The following WWC2 variants were observed in gnomAD, a reference collection of about 807,000 sequenced individuals.
WWC2 encodes the protein protein WWC2.
In WWC2, 101 loss-of-function variants were observed where a neutral mutation model predicts 138.5. The observed-to-expected ratio is 0.73, with a 90% CI of 0.62 to 0.86. WWC2 has a LOEUF of 0.86. Among genes scored for constraint, WWC2 ranks in the 40% least tolerant of loss-of-function variants. The probability of loss-of-function intolerance (pLI) is 0.00; values close to 1 mark genes in which losing one functional copy is unlikely to be tolerated. For missense variants in WWC2, 1,420 were observed against 1,419.4 expected (o/e 1.00, Z -0.01); for synonymous variants, 558 against 538.4 (o/e 1.04, Z -0.50).
At chr4:183,254,888 G>A (rs369473905) in intron 9 of WWC2, among the ~76,000 whole-genome samples, 6 of 152,258 alleles carry the variant, frequency 3.9e-5, no homozygotes, top group Admixed American at 6.5e-5. Context: ...AAAAATTGTG[G>A]CGTCTTGCCT....
At chr4:183,205,697 G>A (rs1735428810) in intron 2 of WWC2, among the ~76,000 whole-genome samples, 1 of 152,096 alleles carries the variant, frequency 6.6e-6, no homozygotes, top group Admixed American at 6.5e-5. Flanking sequence ...TGTTAGGTTA[G>A]GTTCAGAGTA....
chr4:183,261,119 C>G lies in WWC2; in HGVS notation c.1496C>G (p.Ser499Cys). ...CAAGAGAAAAGCGGTTACATTCCTTCTGGACCCATCACCACCATCCATGAA... is the reference window on the plus strand; with the variant it reads ...CAAGAGAAAAGCGGTTACATTCCTTGTGGACCCATCACCACCATCCATGAA... ...LLQEKSGYIP[S>C]GPITTIHENE... Residue 499 changes from serine (S) to cysteine (C), a missense_variant, in exon 11 of 23, where the codon TCT becomes TGT. By Grantham distance (112) the Ser-to-Cys change is moderately radical (BLOSUM62 -1). Coordinates refer to ENST00000403733, the MANE Select transcript of WWC2 (RefSeq NM_024949.6). 6.2e-7 allele frequency: 1 copy of G among 1,614,006 alleles called. No homozygotes were observed. The highest frequency in any genetic ancestry group is 1.1e-5 in the South Asian group (1 of 91,076).
chr4:183,285,908 C>G, intron 19 of WWC2, 59 bp from the exon 20 acceptor site: 1 of 1,479,928 alleles, frequency 6.8e-7, no homozygotes, highest in Non-Finnish European at 9.2e-7. Flanking sequence ...CAATCCCAAA[C>G]TTCCACTTGC....
rs372090334 is a variant in WWC2 at position 183,278,553 on chromosome 4, G to A, written c.2563-2223G>A. ...GCTTGATGGGGATGGCATTGAATCT[G>A]TAAATTACCTTGGGCAGTATGGCCA... On this transcript the variant is annotated intron_variant, in intron 16 of 22. Coordinates refer to ENST00000403733, the MANE Select transcript of WWC2 (RefSeq NM_024949.6). Among the ~76,000 whole-genome samples the A allele has an allele frequency of 1.6e-4, 25 of 151,806 alleles. 1 individual carries two copies. Among genetic ancestry groups the A allele is most frequent in the Admixed American group, 1.2e-3 (19 of 15,246 alleles).
intron 8 of WWC2, among the ~76,000 whole-genome samples, chr4:183,250,416 G>C (rs1736941965): frequency 6.6e-6 from 1 of 152,238 alleles, no homozygotes; most frequent in South Asian, 2.1e-4. Flanking sequence ...TGATTTGAAG[G>C]GAAGTCTTAC....
At chr4:183,203,144 A>G (rs984935229) in intron 2 of WWC2, among the ~76,000 whole-genome samples, 1 of 150,864 alleles carries the variant, frequency 6.6e-6, no homozygotes, top group African/African-American at 2.4e-5. Context: ...TCGTATTCTT[A>G]TAACTTCCTC....
chr4:183,137,075 C>A (rs1423784381), intron 1 of WWC2, among the ~76,000 whole-genome samples: 1 of 152,124 alleles, frequency 6.6e-6, no homozygotes, highest in Non-Finnish European at 1.5e-5. Context: ...TGCAGGACTT[C>A]CAGGAAGTTG....
At chr4:183,310,170 C>T (rs941341723) in intron 21 of WWC2, among the ~76,000 whole-genome samples, 1 of 152,140 alleles carries the variant, frequency 6.6e-6, no homozygotes, top group Non-Finnish European at 1.5e-5. Flanking sequence ...ATTGAATGTA[C>T]ACCAAGAGTG....
chr4:183,221,040 C>T (rs1268261787), intron 4 of WWC2, among the ~76,000 whole-genome samples: 1 of 152,200 alleles, frequency 6.6e-6, no homozygotes, highest in East Asian at 1.9e-4. Context: ...TAAAACAAGA[C>T]CCAATTTCAT....
At chr4:183,183,536 C>G (rs1390353787) in intron 1 of WWC2, among the ~76,000 whole-genome samples, 1 of 152,192 alleles carries the variant, frequency 6.6e-6, no homozygotes, top group Non-Finnish European at 1.5e-5. Flanking sequence ...AATCTCCACA[C>G]TTTGGGAGGC....
At chr4:183,156,369 T>G (rs1351510111) in intron 1 of WWC2, among the ~76,000 whole-genome samples, 1 of 146,312 alleles carries the variant, frequency 6.8e-6, no homozygotes, top group East Asian at 2.0e-4. Flanking sequence ...GGAGTCCCAC[T>G]CTGTTGCTCA....
chr4:183,113,501 TGTGTGTGTGTGTGTGCGCGCGC>T (rs894845458), intron 1 of WWC2, among the ~76,000 whole-genome samples: 1 of 149,432 alleles, frequency 6.7e-6, no homozygotes, highest in African/African-American at 2.5e-5. Context: ...TGTGTGTGTG[TGTGTGTGTGTGTGTGCGCGCGC>T]GTGCGCGCGC....
intron 1 of WWC2, among the ~76,000 whole-genome samples, chr4:183,154,663 T>A (rs1186054049): frequency 2.0e-5 from 3 of 152,224 alleles, no homozygotes; most frequent in African/African-American, 7.2e-5. Context: ...TTTAATAATT[T>A]AACCGGATTA....
intron 16 of WWC2, among the ~76,000 whole-genome samples, 199 bp from the exon 17 acceptor site, chr4:183,280,577 C>G (rs991457658): frequency 6.6e-6 from 1 of 152,200 alleles, no homozygotes; most frequent in African/African-American, 2.4e-5. Flanking sequence ...TCCTGATTGC[C>G]TTTGTTGCTC....
At chr4:183,310,108 CTG>C (rs1739160730) in intron 21 of WWC2, among the ~76,000 whole-genome samples, 2 of 152,300 alleles carry the variant, frequency 1.3e-5, no homozygotes, top group South Asian at 4.1e-4. Flanking sequence ...TGAAACTCCT[CTG>C]TATGATATTG....
rs1254338576 is a variant in WWC2, at chr4:183,099,335, T to G, written c.-157T>G. 4.5e-6 allele frequency: 3 copies of G among 670,344 alleles called. No individual in the cohort carries two copies. In the African/African-American group the frequency reaches 5.8e-5, roughly 13 times the overall value. 41.5% of individuals were successfully genotyped at this position (670,344 alleles called of 1,614,324 possible). A position where few individuals can be genotyped will look rare whatever the true frequency, so the allele number is the denominator to read the frequency against. On this transcript the variant is annotated 5_prime_UTR_variant, in exon 1 of 23. Transcript: ENST00000403733. ...CGCGAACAGCGTTTCCTGAGGCACC[T>G]CCCGCGCGTGGTTCCGCCGCGCCCC...
chr4:183,301,511 A>G (rs917895485), intron 21 of WWC2, among the ~76,000 whole-genome samples: 1 of 152,244 alleles, frequency 6.6e-6, no homozygotes, highest in African/African-American at 2.4e-5. Flanking sequence ...AACTTATTGC[A>G]GTAGATGATG....
At position 183,169,586 on chromosome 4, in the gene WWC2, A is replaced by T. The variant is rs377379074; in HGVS notation, c.132-24013A>T. Among the ~76,000 whole-genome samples the T allele has an allele frequency of 1.4e-3, 209 of 152,210 alleles. 1 individual carries two copies. The highest frequency in any genetic ancestry group is 4.9e-3 in the African/African-American group (203 of 41,550). On this transcript the variant is annotated intron_variant, in intron 1 of 22. Transcript: ENST00000403733. ...ACTGCACCTGGCCATGTTTTTCTTAATCATTATGTTTTTTGGGTGGCCATC... is the reference window on the plus strand; with the variant it reads ...ACTGCACCTGGCCATGTTTTTCTTATTCATTATGTTTTTTGGGTGGCCATC...
At chr4:183,259,369 TTAC>T (rs1737250722) in intron 9 of WWC2, among the ~76,000 whole-genome samples, 1 of 152,266 alleles carries the variant, frequency 6.6e-6, no homozygotes, top group South Asian at 2.1e-4. Flanking sequence ...AAGGACCATA[TTAC>T]TTACCCATTT....
Sources: allele counts gnomAD v4.1 joint callset (sites outside exome capture counted in the v4.1 genomes callset), GRCh38; gene constraint gnomAD v4.1.1; transcripts MANE v1.5; gene names NCBI Gene and HGNC (gene_info 2026-07-23, HGNC 2026-07-21).